Variants in THRB observed in about 807,000 individuals in gnomAD.
THRB encodes the protein thyroid hormone receptor beta.
In THRB, 12 loss-of-function variants were observed where a neutral mutation model predicts 47.8. The observed-to-expected ratio is 0.25, with a 90% CI of 0.16 to 0.41. The LOEUF (loss-of-function observed/expected upper bound fraction) is 0.41, where lower values mean the gene tolerates loss of function less well. Ranked by LOEUF, THRB falls within the 10% of genes least tolerant of loss-of-function variation. THRB has a pLI of 1.00. For missense variants in THRB, 348 were observed against 589.2 expected, an observed-to-expected ratio of 0.59 and a Z score of 4.24; for synonymous variants, 218 against 212.2, an observed-to-expected ratio of 1.03 and a Z score of -0.24.
intron 4 of THRB, among the ~76,000 whole-genome samples, chr3:24,227,269 G>A (rs1003620331): frequency 1.3e-5 from 2 of 152,166 alleles, no homozygotes; most frequent in African/African-American, 4.8e-5. Context: ...TGGTATCTGT[G>A]TGCTCACACC....
intron 1 of THRB, among the ~76,000 whole-genome samples, chr3:24,417,119 C>G (rs1052909917): frequency 1.3e-5 from 2 of 151,342 alleles, no homozygotes; most frequent in African/African-American, 4.8e-5. Context: ...CACACACACA[C>G]ACACACACAC....
chr3:24,241,839 G>A (rs755148744), intron 3 of THRB, among the ~76,000 whole-genome samples: 6 of 152,118 alleles, frequency 3.9e-5, no homozygotes, highest in African/African-American at 4.8e-5. Flanking sequence ...CTCTGAAGGT[G>A]GGGTTCGGGT....
chr3:24,182,686 C>A (rs1223442193), intron 5 of THRB, among the ~76,000 whole-genome samples: 2 of 152,168 alleles, frequency 1.3e-5, no homozygotes, highest in African/African-American at 4.8e-5. Flanking sequence ...TTCCACAATT[C>A]TGTGAAAGAG....
chr3:24,148,056 G>GC (rs1416534207), intron 6 of THRB, among the ~76,000 whole-genome samples: 1 of 152,110 alleles, frequency 6.6e-6, no homozygotes, highest in Non-Finnish European at 1.5e-5. Flanking sequence ...TCCTGCCCCA[G>GC]CCACTTAAAA....
intron 2 of THRB, among the ~76,000 whole-genome samples, chr3:24,304,045 A>AT (rs5847281): frequency 0.53 from 80,184 of 151,052 alleles, 22,271 homozygotes; most frequent in East Asian, 0.75. Context: ...ATTAGCTCAT[A>AT]TTTTTTTTTA....
chr3:24,385,412 T>TACAC (rs111954578), intron 1 of THRB, among the ~76,000 whole-genome samples: 1,961 of 145,314 alleles, frequency 0.013, 34 homozygotes, highest in East Asian at 0.09. Flanking sequence ...CACACACACA[T>TACAC]ACACACACAC....
chr3:24,331,646 G>C (rs1382473650), intron 2 of THRB, among the ~76,000 whole-genome samples: 1 of 150,422 alleles, frequency 6.6e-6, no homozygotes, highest in Admixed American at 6.7e-5. Flanking sequence ...CACATATATA[G>C]TGTGTTTATA....
chr3:24,358,586 T>A (rs550166933), intron 1 of THRB, among the ~76,000 whole-genome samples: 1 of 152,180 alleles, frequency 6.6e-6, no homozygotes, highest in Non-Finnish European at 1.5e-5. Flanking sequence ...CTCATAAATA[T>A]TTACACTATA....
intron 1 of THRB, among the ~76,000 whole-genome samples, chr3:24,426,873 T>C (rs1417776161): frequency 3.9e-5 from 6 of 151,916 alleles, no homozygotes; most frequent in African/African-American, 1.4e-4. Context: ...TGGAATACGC[T>C]TGTGAATCAA....
chr3:24,478,915 A>G (rs1269378611), intron 1 of THRB, among the ~76,000 whole-genome samples: 4 of 152,212 alleles, frequency 2.6e-5, no homozygotes, highest in Middle Eastern at 3.2e-3. Flanking sequence ...CAATGTCTAG[A>G]GAAATTTTTG....
At chr3:24,386,904 C>G (rs2066166585) in intron 1 of THRB, among the ~76,000 whole-genome samples, 1 of 152,234 alleles carries the variant, frequency 6.6e-6, no homozygotes, top group East Asian at 1.9e-4. Flanking sequence ...AGTTAAAGCA[C>G]AGAAAGCACT....
intron 1 of THRB, among the ~76,000 whole-genome samples, chr3:24,480,743 A>T (rs1696231883): frequency 6.6e-6 from 1 of 152,236 alleles, no homozygotes; most frequent in Non-Finnish European, 1.5e-5. Flanking sequence ...AATGAAGAGA[A>T]ATGAATTGTA....
At chr3:24,415,999 A>G (rs907828001) in intron 1 of THRB, among the ~76,000 whole-genome samples, 2 of 151,894 alleles carry the variant, frequency 1.3e-5, no homozygotes, top group African/African-American at 4.8e-5. Context: ...CATGGTGCTC[A>G]TGGAATGGAA....
Position 24,297,301 on chromosome 3 carries a change from T to C in THRB, c.-118A>G, listed in dbSNP as rs2056530669. 1 of 152,238 alleles carries C rather than the reference T, an allele frequency of 6.6e-6. No homozygotes were observed. The highest frequency in any genetic ancestry group is 2.4e-5 in the African/African-American group (1 of 41,470). 9.4% of individuals were successfully genotyped at this position (152,238 alleles called of 1,614,324 possible). On this transcript the variant is annotated 5_prime_UTR_variant, in exon 3 of 11. Transcript: ENST00000646209. The stretch of plus-strand genomic sequence containing the variant: ...CTTCAAGACGTTTGTTTTTCTGCAT[T>C]TCCTCTTCCTACAGTGAAGTCACTG...
chr3:24,221,704 T>G (rs1477448496), intron 4 of THRB, among the ~76,000 whole-genome samples: 1 of 152,234 alleles, frequency 6.6e-6, no homozygotes, highest in Non-Finnish European at 1.5e-5. Flanking sequence ...TCTTGTCCTT[T>G]TGACATTTCA....
intron 5 of THRB, among the ~76,000 whole-genome samples, chr3:24,180,720 A>G (rs1326929197): frequency 6.6e-6 from 1 of 152,226 alleles, no homozygotes; most frequent in Non-Finnish European, 1.5e-5. Flanking sequence ...CTGTAAATAC[A>G]ACTCACAGAA....
chr3:24,435,816 G>A (rs376577866), intron 1 of THRB, among the ~76,000 whole-genome samples: 4 of 152,292 alleles, frequency 2.6e-5, no homozygotes, highest in East Asian at 1.9e-4. Flanking sequence ...CAGATGCAAC[G>A]TTGGCCTCCC....
At chr3:24,272,020 T>C (rs1414599701) in intron 3 of THRB, among the ~76,000 whole-genome samples, 1 of 152,162 alleles carries the variant, frequency 6.6e-6, no homozygotes, top group African/African-American at 2.4e-5. Context: ...TCCATAATCT[T>C]TGGATGGATA....
chr3:24,201,974 T>A (rs779887702), intron 4 of THRB, among the ~76,000 whole-genome samples: 1 of 152,224 alleles, frequency 6.6e-6, no homozygotes, highest in African/African-American at 2.4e-5. Flanking sequence ...TAGACTGTTA[T>A]TCTCATTTTT....
Sources: gnomAD v4.1 joint callset for allele counts (sites outside exome capture counted in the v4.1 genomes callset) on GRCh38, gnomAD v4.1.1 for gene constraint, MANE v1.5 for transcripts, NCBI Gene and HGNC (gene_info 2026-07-23, HGNC 2026-07-21) for gene names.